The following DMGDH variants were observed in gnomAD, a reference collection of about 807,000 sequenced individuals.
DMGDH encodes dimethylglycine dehydrogenase, mitochondrial.
DMGDH carries 76 observed loss-of-function variants against 95.2 expected under a neutral mutation model. The ratio of observed to expected loss-of-function variants is 0.80; its 90% CI spans 0.66 to 0.97. DMGDH has a LOEUF of 0.97. Among genes scored for constraint, DMGDH ranks in the 50% least tolerant of loss-of-function variants. The probability of loss-of-function intolerance (pLI) is 0.00; values close to 1 mark genes in which losing one functional copy is unlikely to be tolerated. For missense variants in DMGDH, 987 were observed against 1,055.0 expected, an observed-to-expected ratio of 0.94 and a Z score of 0.89; for synonymous variants, 345 against 377.6, an observed-to-expected ratio of 0.91 and a Z score of 1.00.
chr5:79,014,860 C>T (rs549499393), intron 14 of DMGDH, among the ~76,000 whole-genome samples: 38 of 146,988 alleles, frequency 2.6e-4, no homozygotes, highest in African/African-American at 9.6e-4. Flanking sequence ...TTTACAGAGC[C>T]CTCACTAGTG....
chr5:79,021,703 G>T, intron 14 of DMGDH: 1 of 1,295,342 alleles, frequency 7.7e-7, no homozygotes, highest in African/African-American at 1.5e-5. Flanking sequence ...CACAAAATTA[G>T]TTACAGCAAA....
chr5:79,063,700 A>T lies in DMGDH; in HGVS notation c.189T>A (p.Ser63Arg), dbSNP rs749058622. The T allele has an allele frequency of 3.1e-6, 5 of 1,614,002 alleles. No homozygotes were observed. The East Asian group carries it at 1.1e-4, about 36-fold the overall frequency. The part of the protein sequence containing the change: ...VIIGGGCVGV[S>R]LAYHLAKAGM... Reference sequence around the variant, plus strand: ...CTGCTTTGGCCAGGTGATAAGCCAGACTCACACCAACACAGCCACCTCCAA... The same window carrying T: ...CTGCTTTGGCCAGGTGATAAGCCAGTCTCACACCAACACAGCCACCTCCAA... Residue 63 changes from serine (S) to arginine (R), a missense_variant, in exon 2 of 16, where the codon AGT becomes AGA. Coordinates refer to ENST00000255189, the MANE Select transcript of DMGDH (RefSeq NM_013391.3).
At chr5:79,042,810 C>T (rs1392312566) in intron 6 of DMGDH, among the ~76,000 whole-genome samples, 1 of 151,966 alleles carries the variant, frequency 6.6e-6, no homozygotes, top group Non-Finnish European at 1.5e-5. Flanking sequence ...TCAAGAAGAT[C>T]GTTATGCTTC....
At chr5:79,030,220 A>G (rs904914123) in intron 10 of DMGDH, among the ~76,000 whole-genome samples, 186 bp from the exon 11 acceptor site, 16 of 152,244 alleles carry the variant, frequency 1.1e-4, no homozygotes, top group Admixed American at 8.5e-4. Flanking sequence ...CATTTAAACA[A>G]TCATTTAAAA....
intron 7 of DMGDH, among the ~76,000 whole-genome samples, chr5:79,034,241 T>C (rs1754276222): frequency 6.6e-6 from 1 of 152,152 alleles, no homozygotes; most frequent in African/African-American, 2.4e-5. Context: ...TGAGCCATTA[T>C]CTTAGAAACA....
Position 79,026,488 on chromosome 5 carries a change from T to G in DMGDH, c.2126A>C (p.Asn709Thr). ...GGCATTCATGGCATAGGTTCCAAAATTGTCGATTCCCTCCTCCTGGCCTGC... is the reference window on the plus strand; with the variant it reads ...GGCATTCATGGCATAGGTTCCAAAAGTGTCGATTCCCTCCTCCTGGCCTGC... ...MNAGQEEGIDNFGTYAMNALR... is the reference protein window; with the variant it reads ...MNAGQEEGIDTFGTYAMNALR... The change falls in exon 13 of 16, where the codon AAT becomes ACT. Residue 709 changes from asparagine to threonine, a missense_variant. By Grantham distance (65) the Asn-to-Thr change is moderately conservative (BLOSUM62 0). Transcript: ENST00000255189. 6.2e-7 allele frequency: 1 copy of G among 1,614,154 alleles called. No homozygotes were observed. The highest frequency in any genetic ancestry group is 2.2e-5 in the East Asian group (1 of 44,882).
intron 15 of DMGDH, among the ~76,000 whole-genome samples, chr5:79,002,405 G>A (rs1399594635): frequency 1.3e-5 from 2 of 152,116 alleles, no homozygotes; most frequent in African/African-American, 4.8e-5. Flanking sequence ...CTCATTTAAG[G>A]TTATAATCCC....
intron 5 of DMGDH, among the ~76,000 whole-genome samples, chr5:79,045,711 G>T (rs1000464119): frequency 1.3e-5 from 2 of 152,178 alleles, no homozygotes; most frequent in African/African-American, 4.8e-5. Flanking sequence ...AGTGATCATT[G>T]AAATGATTAC....
chr5:79,047,038 G>T (rs555995437), intron 5 of DMGDH, among the ~76,000 whole-genome samples: 11 of 152,186 alleles, frequency 7.2e-5, no homozygotes, highest in African/African-American at 2.7e-4. Flanking sequence ...TTTACCCATA[G>T]ATATCTATGG....
chr5:79,052,176 C>T (rs1333283432), intron 4 of DMGDH, among the ~76,000 whole-genome samples: 1 of 152,178 alleles, frequency 6.6e-6, no homozygotes, highest in African/African-American at 2.4e-5. Context: ...GGTCATACTG[C>T]ATAATCTGTT....
intron 2 of DMGDH, among the ~76,000 whole-genome samples, chr5:79,061,144 C>T (rs773236815): frequency 6.0e-5 from 9 of 151,180 alleles, no homozygotes; most frequent in South Asian, 2.1e-4. Context: ...TGCTTGAGCC[C>T]GTAGGTTGAG....
chr5:79,039,704 TAATAATAATAATA>T (rs953471383), intron 7 of DMGDH, among the ~76,000 whole-genome samples: 5 of 151,522 alleles, frequency 3.3e-5, no homozygotes, highest in African/African-American at 1.2e-4. Context: ...ACTTAAAGTA[TAATAATAATAATA>T]AATAATAATA....
rs142409495 is a variant in DMGDH at position 79,064,397 on chromosome 5, G to C, written c.102-610C>G. ...GATTTAAAATTGTACAGCTGTCTAGGGTACTTTACCATGAATCAAGCTTGT... is the reference window on the plus strand; with the variant it reads ...GATTTAAAATTGTACAGCTGTCTAGCGTACTTTACCATGAATCAAGCTTGT... On this transcript the variant is annotated intron_variant, in intron 1 of 15. Coordinates refer to ENST00000255189, the MANE Select transcript of DMGDH (RefSeq NM_013391.3). Among the ~76,000 whole-genome samples, 5 of 152,018 alleles carry C rather than the reference G, an allele frequency of 3.3e-5. No individual in the cohort carries two copies. The East Asian group carries it at 9.7e-4, about 29-fold the overall frequency.
chr5:78,999,658 C>T (rs748667519), intron 15 of DMGDH, among the ~76,000 whole-genome samples: 2 of 152,166 alleles, frequency 1.3e-5, no homozygotes, highest in Non-Finnish European at 2.9e-5. Context: ...TCTAAACTTA[C>T]TGTGAAAACT....
chr5:79,022,107 G>C (rs889158467), intron 14 of DMGDH, among the ~76,000 whole-genome samples: 2 of 152,196 alleles, frequency 1.3e-5, no homozygotes, highest in African/African-American at 4.8e-5. Flanking sequence ...GCTCTGAAGG[G>C]AAAGAAATAA....
chr5:79,000,945 G>A, intron 15 of DMGDH: 1 of 676,236 alleles, frequency 1.5e-6, no homozygotes, highest in Non-Finnish European at 2.7e-6. Context: ...GTCCTCATTT[G>A]GCAGCATCAC....
chr5:79,027,119 G>C (rs1754023992), intron 12 of DMGDH, among the ~76,000 whole-genome samples: 1 of 152,118 alleles, frequency 6.6e-6, no homozygotes, highest in Non-Finnish European at 1.5e-5. Flanking sequence ...AGAGCTGTGG[G>C]CAAAAATCAA....
In DMGDH at chr5:79,051,280, T is replaced by C; in HGVS notation, c.745+7A>G. 1 of 1,614,082 alleles carries C rather than the reference T, an allele frequency of 6.2e-7. No individual in the cohort carries two copies. The highest frequency in any genetic ancestry group is 8.5e-7 in the Non-Finnish European group (1 of 1,179,932). ...AAACACTAATTTCAAAAAAATGATATGCTTACCTGCAGCATTCACAATTCT... is the reference window on the plus strand; with the variant it reads ...AAACACTAATTTCAAAAAAATGATACGCTTACCTGCAGCATTCACAATTCT... On this transcript the variant is annotated splice_region_variant and intron_variant, in intron 5 of 15. Transcript: ENST00000255189.
At chr5:79,054,092 A>G in intron 4 of DMGDH, 92 bp downstream of exon 4, 1 of 1,431,730 alleles carries the variant, frequency 7.0e-7, no homozygotes, top group South Asian at 1.2e-5. Context: ...AAATGTGTGT[A>G]CCAAGTTTTC....
Sources: gnomAD v4.1 joint callset for allele counts (sites outside exome capture counted in the v4.1 genomes callset) on GRCh38, gnomAD v4.1.1 for gene constraint, MANE v1.5 for transcripts, NCBI Gene and HGNC (gene_info 2026-07-23, HGNC 2026-07-21) for gene names.